Variants in USP7 observed in about 807,000 individuals in gnomAD.
USP7 encodes ubiquitin C-terminal hydrolase 7.
In USP7, 9 loss-of-function variants were observed where a neutral mutation model predicts 162.9. That is an observed-to-expected ratio of 0.06 (90% CI 0.03 to 0.10). The LOEUF is 0.10. Ranked by LOEUF, USP7 falls within the 10% of genes least tolerant of loss-of-function variation. USP7 has a pLI of 1.00. For missense variants in USP7, 715 were observed against 1,373.7 expected (o/e 0.52, Z 7.58); for synonymous variants, 562 against 475.9 (o/e 1.18, Z -2.35).
chr16:8,910,887 C>T, intron 10 of USP7, 60 bp from the exon 11 acceptor site: 1 of 1,364,460 alleles, frequency 7.3e-7, no homozygotes, highest in Admixed American at 1.7e-5. Context: ...GTAGCCAACA[C>T]AGGTGTAAGT....
intron 11 of USP7, among the ~76,000 whole-genome samples, 184 bp downstream of exon 11, chr16:8,910,561 G>T (rs1308723982): frequency 6.6e-6 from 1 of 152,044 alleles, no homozygotes; most frequent in Non-Finnish European, 1.5e-5. Context: ...TAAACCAGCT[G>T]CACTCCATCT....
At chr16:8,914,328 CTG>C (rs1035671149) in intron 10 of USP7, among the ~76,000 whole-genome samples, 4 of 151,940 alleles carry the variant, frequency 2.6e-5, no homozygotes, top group Admixed American at 2.6e-4. Context: ...TTCCTGATGA[CTG>C]TGCAATTGAT....
intron 15 of USP7, among the ~76,000 whole-genome samples, chr16:8,903,616 A>G (rs1195532496): frequency 6.6e-6 from 1 of 152,164 alleles, no homozygotes; most frequent in Non-Finnish European, 1.5e-5. Context: ...ACGGTGGCTC[A>G]TGCACTTTGG....
chr16:8,904,620 AAGCT>A, intron 14 of USP7, 55 bp from the exon 15 acceptor site: 1 of 1,596,828 alleles, frequency 6.3e-7, no homozygotes, highest in Non-Finnish European at 8.5e-7. Flanking sequence ...CCCCTCTTAG[AAGCT>A]CCCGATTCTA....
chr16:8,948,799 A>G (rs1899413989), intron 1 of USP7, among the ~76,000 whole-genome samples: 2 of 151,996 alleles, frequency 1.3e-5, no homozygotes, highest in African/African-American at 2.4e-5. Context: ...CCGTCTCTAG[A>G]AAAAAAATAC....
chr16:8,895,022 A>G lies in USP7; in HGVS notation c.3039+9T>C, dbSNP rs762679680. 1.2e-5 allele frequency: 19 copies of G among 1,614,068 alleles called. No homozygotes were observed. The Admixed American group carries it at 1.8e-4, about 16-fold the overall frequency. ...GACGTGAGCCACTCGGCCAACCACA[A>G]CAGCATACCTGGTGTATCCTCAGCA... On this transcript the variant is annotated intron_variant, in intron 28 of 30. Coordinates refer to ENST00000344836, the MANE Select transcript of USP7 (RefSeq NM_003470.3).
intron 2 of USP7, among the ~76,000 whole-genome samples, chr16:8,926,058 G>C (rs1472458023): frequency 2.0e-5 from 3 of 152,114 alleles, no homozygotes; most frequent in Admixed American, 2.0e-4. Context: ...GGAGGCTGAG[G>C]CAGGAGAATG....
chr16:8,894,918 GGCAGCC>G, intron 28 of USP7, 63 bp from the exon 29 acceptor site: 2 of 1,613,870 alleles, frequency 1.2e-6, no homozygotes, highest in Non-Finnish European at 8.5e-7. Context: ...CACGTCACGT[GGCAGCC>G]GCCAAAACCA....
chr16:8,944,612 C>T (rs1036059266), intron 1 of USP7, among the ~76,000 whole-genome samples: 25 of 152,156 alleles, frequency 1.6e-4, no homozygotes, highest in African/African-American at 5.8e-4. Context: ...CAAAAGGGAA[C>T]AACCTAGCAC....
At chr16:8,953,554 C>T (rs9924609) in intron 1 of USP7, among the ~76,000 whole-genome samples, 10,370 of 102,442 alleles carry the variant, frequency 0.1, 1,093 homozygotes, top group African/African-American at 0.22. Context: ...CCCCATGCGG[C>T]GCCACCGGAA....
intron 30 of USP7, 103 bp from the exon 31 acceptor site, chr16:8,894,207 G>A: frequency 3.6e-6 from 4 of 1,110,162 alleles, no homozygotes; most frequent in African/African-American, 1.5e-5. Context: ...TCCCCAAGGG[G>A]TAAGTTCGCA....
chr16:8,963,809 T>C lies in USP7; in HGVS notation c.-524A>G, dbSNP rs1052560791. Among the ~76,000 whole-genome samples, 12 of 145,498 alleles carry C rather than the reference T, an allele frequency of 8.2e-5. No homozygotes were observed. The highest frequency in any genetic ancestry group is 1.5e-4 in the Non-Finnish European group (10 of 65,622). On this transcript the variant is annotated 5_prime_UTR_variant, in exon 1 of 31. Coordinates refer to ENST00000344836, the MANE Select transcript of USP7 (RefSeq NM_003470.3). ...CGGCCGCGTTCCGAGAGCCGCGGCC[T>C]CCGCCTCCTCGGCGTCGTCGTCGGG...
intron 1 of USP7, among the ~76,000 whole-genome samples, chr16:8,947,205 G>A (rs1468162073): frequency 6.6e-6 from 1 of 151,608 alleles, no homozygotes; most frequent in Non-Finnish European, 1.5e-5. Context: ...AGACAATAAA[G>A]AAATTTACAA....
rs770197339 is a variant in USP7 at position 8,894,853 on chromosome 16, G to A, written c.3042C>T (p.Gly1014=). The change falls in exon 29 of 31, where the codon GGC becomes GGT. Residue 1014 remains glycine, a splice_region_variant and synonymous_variant. Transcript: ENST00000344836. The part of the protein sequence containing the change: ...GIPFLLRIHQ[G]EHFREVMKRI... ...GCTTCATCACTTCTCGAAAATGCTC[G>A]CCCTAGAATGGCAAAGGACATGTGC... The A allele has an allele frequency of 3.0e-5, 49 of 1,614,132 alleles. No individual in the cohort carries two copies. The highest frequency in any genetic ancestry group is 4.0e-5 in the African/African-American group (3 of 75,032).
intron 1 of USP7, among the ~76,000 whole-genome samples, chr16:8,958,587 G>A (rs545103707): frequency 8.7e-4 from 132 of 152,312 alleles, no homozygotes; most frequent in Non-Finnish European, 1.4e-3. Flanking sequence ...ACAGCCAAAC[G>A]GGCCTGGCAA....
chr16:8,928,214 T>G (rs1022104048), intron 2 of USP7, among the ~76,000 whole-genome samples: 7 of 152,182 alleles, frequency 4.6e-5, no homozygotes, highest in African/African-American at 1.7e-4. Flanking sequence ...TACTAAGAAG[T>G]CTTCTGTGCA....
Position 8,900,984 on chromosome 16 carries a change from C to T in USP7, c.2208+6G>A, listed in dbSNP as rs775992795. The T allele has an allele frequency of 6.2e-7, 1 of 1,613,398 alleles. No individual in the cohort carries two copies. Among genetic ancestry groups the T allele is most frequent in the Non-Finnish European group, 8.5e-7 (1 of 1,179,804 alleles). Reference sequence around the variant, plus strand: ...TACTAATTATGGAAAAATAAACCATCCAAACCTCATAGAGGATAAGGCTAG... The same window carrying T: ...TACTAATTATGGAAAAATAAACCATTCAAACCTCATAGAGGATAAGGCTAG... On this transcript the variant is annotated splice_donor_region_variant and intron_variant, in intron 20 of 30. Coordinates refer to ENST00000344836, the MANE Select transcript of USP7 (RefSeq NM_003470.3).
chr16:8,936,844 G>A, intron 1 of USP7: 1 of 961,796 alleles, frequency 1.0e-6, no homozygotes, highest in African/African-American at 1.7e-5. Flanking sequence ...GTGAAACTCT[G>A]AAAGAATCTG....
intron 1 of USP7, among the ~76,000 whole-genome samples, chr16:8,942,674 A>T (rs1899102829): frequency 6.6e-6 from 1 of 152,154 alleles, no homozygotes; most frequent in Admixed American, 6.5e-5. Flanking sequence ...CAAGCTCTTG[A>T]GCAGCTGGGA....
Sources: allele counts gnomAD v4.1 joint callset (sites outside exome capture counted in the v4.1 genomes callset), GRCh38; gene constraint gnomAD v4.1.1; transcripts MANE v1.5; gene names NCBI Gene and HGNC (gene_info 2026-07-23, HGNC 2026-07-21).